HIVEP2: variants seen among roughly 807,000 people sequenced by gnomAD.
HIVEP2 encodes HIVEP zinc finger 2.
Under a neutral mutation model 180.7 loss-of-function variants are expected in HIVEP2, and 14 were observed. The observed-to-expected ratio is 0.08, with a 90% CI of 0.05 to 0.12. The LOEUF is 0.12. Ranked by LOEUF, HIVEP2 falls within the 10% of genes least tolerant of loss-of-function variation. The pLI is 1.00. For missense variants in HIVEP2, 2,579 were observed against 3,008.5 expected (o/e 0.86, Z 3.34); for synonymous variants, 1,184 against 1,136.4 (o/e 1.04, Z -0.84).
intron 3 of HIVEP2, among the ~76,000 whole-genome samples, chr6:142,779,081 T>C (rs1444207554): frequency 6.6e-6 from 1 of 152,202 alleles, no homozygotes; most frequent in Non-Finnish European, 1.5e-5. Flanking sequence ...CTGTTTTCTT[T>C]TGTTCTTTGA....
chr6:142,920,430 G>A (rs899186450), intron 1 of HIVEP2, among the ~76,000 whole-genome samples: 5 of 152,150 alleles, frequency 3.3e-5, no homozygotes, highest in African/African-American at 9.7e-5. Context: ...TCACAGGTAT[G>A]TATTAAAGAC....
intron 1 of HIVEP2, among the ~76,000 whole-genome samples, chr6:142,892,884 C>T (rs933757442): frequency 6.6e-6 from 1 of 152,152 alleles, no homozygotes; most frequent in African/African-American, 2.4e-5. Context: ...TAAATGCTCG[C>T]TACAACTCTC....
At chr6:142,870,913 C>G (rs1012473944) in intron 1 of HIVEP2, among the ~76,000 whole-genome samples, 4 of 152,156 alleles carry the variant, frequency 2.6e-5, no homozygotes, top group African/African-American at 7.2e-5. Flanking sequence ...AAGTGAGCCT[C>G]ACAGTGTGCT....
chr6:142,889,474 G>T lies in HIVEP2; in HGVS notation c.-640-52427C>A, dbSNP rs77534582. Among the ~76,000 whole-genome samples, 1,268 of 151,968 alleles carry T rather than the reference G, an allele frequency of 8.3e-3. 75 individuals are homozygous for T. The East Asian group carries it at 0.16, about 20-fold the overall frequency. ...CCCTGTCTCAAAATAAACAAACAAA[G>T]AAACAAATAAACAAAACTCCTGATG... On this transcript the variant is annotated intron_variant, in intron 1 of 9. Transcript: ENST00000367603.
chr6:142,887,584 G>A (rs1776734024), intron 1 of HIVEP2, among the ~76,000 whole-genome samples: 1 of 152,098 alleles, frequency 6.6e-6, no homozygotes, highest in Non-Finnish European at 1.5e-5. Flanking sequence ...ATCACCGATT[G>A]AATCCCATAA....
chr6:142,794,360 T>C (rs1473652050), intron 2 of HIVEP2, among the ~76,000 whole-genome samples: 1 of 152,202 alleles, frequency 6.6e-6, no homozygotes, highest in Admixed American at 6.5e-5. Flanking sequence ...TTGAATCTAT[T>C]TGTATATTTC....
intron 1 of HIVEP2, among the ~76,000 whole-genome samples, chr6:142,941,749 G>A (rs956960961): frequency 2.6e-5 from 4 of 152,128 alleles, no homozygotes; most frequent in East Asian, 1.9e-4. Flanking sequence ...TTTAAAAGTT[G>A]TAACAGTTAA....
At position 142,897,596 on chromosome 6, in the gene HIVEP2, C is replaced by T. The variant is rs146251756; in HGVS notation, c.-641+47503G>A. On this transcript the variant is annotated intron_variant, in intron 1 of 9. Coordinates refer to ENST00000367603, the MANE Select transcript of HIVEP2 (RefSeq NM_006734.4). Reference sequence around the variant, plus strand: ...GAGTGAAATAAGTCAGACACACACACATGACGCAGAGCATATGATTCCATA... The same window carrying T: ...GAGTGAAATAAGTCAGACACACACATATGACGCAGAGCATATGATTCCATA... Among the ~76,000 whole-genome samples the T allele has an allele frequency of 5.8e-4, 89 of 152,304 alleles. No homozygotes were observed. In the East Asian group the frequency reaches 6.6e-3, roughly 11 times the overall value.
In HIVEP2 at chr6:142,846,496, A is replaced by G. The variant is rs1582908849; in HGVS notation, c.-640-9449T>C. Among the ~76,000 whole-genome samples, 4 of 152,338 alleles carry G rather than the reference A, an allele frequency of 2.6e-5. No homozygotes were observed. In the South Asian group the frequency reaches 6.2e-4, roughly 24 times the overall value. The stretch of plus-strand genomic sequence containing the variant: ...ATTTAAATGCAAACATCATTGTTCC[A>G]TTGCTACTAGACTCCCAGATATTTC... On this transcript the variant is annotated intron_variant, in intron 1 of 9. Transcript: ENST00000367603.
chr6:142,811,209 C>CAG (rs796285523), intron 2 of HIVEP2, among the ~76,000 whole-genome samples: 13 of 135,368 alleles, frequency 9.6e-5, no homozygotes, highest in African/African-American at 2.0e-4. Flanking sequence ...GTGAGAGAGA[C>CAG]AGAGAGAGAG....
At chr6:142,812,825 T>A (rs1199496188) in intron 2 of HIVEP2, among the ~76,000 whole-genome samples, 13 of 152,154 alleles carry the variant, frequency 8.5e-5, no homozygotes, top group Non-Finnish European at 7.4e-5. Context: ...AAATTTGATA[T>A]ATATAATACA....
intron 1 of HIVEP2, among the ~76,000 whole-genome samples, chr6:142,843,116 A>G (rs988898223): frequency 2.0e-5 from 3 of 152,202 alleles, no homozygotes; most frequent in African/African-American, 4.8e-5. Context: ...TCACATGTAG[A>G]TGAGTCACCA....
intron 2 of HIVEP2, among the ~76,000 whole-genome samples, chr6:142,806,535 T>C (rs1776552426): frequency 1.3e-5 from 2 of 152,180 alleles, no homozygotes; most frequent in Admixed American, 6.5e-5. Context: ...AAATCCCTTT[T>C]TTTGGGAGGT....
At chr6:142,755,860 C>T (rs545015491) in intron 9 of HIVEP2, among the ~76,000 whole-genome samples, 1 of 152,200 alleles carries the variant, frequency 6.6e-6, no homozygotes. Flanking sequence ...CCAAGCCCCA[C>T]CAGGCATTTC....
rs1268878045 is a variant in HIVEP2 at position 142,764,699 on chromosome 6, A to T, written c.5518+100T>A. 4.6e-6 allele frequency: 4 copies of T among 871,028 alleles called. No homozygotes were observed. In the East Asian group the frequency reaches 1.1e-4, roughly 23 times the overall value. 54.0% of individuals were successfully genotyped at this position (871,028 alleles called of 1,614,324 possible). On this transcript the variant is annotated intron_variant, in intron 7 of 9. Coordinates refer to ENST00000367603, the MANE Select transcript of HIVEP2 (RefSeq NM_006734.4). The stretch of plus-strand genomic sequence containing the variant: ...CGTGGAATCATATTTTCACAAACAA[A>T]CTATCTTTATTGTTGATGAAGGTTA...
At chr6:142,822,710 T>C (rs1777071783) in intron 2 of HIVEP2, among the ~76,000 whole-genome samples, 1 of 152,184 alleles carries the variant, frequency 6.6e-6, no homozygotes, top group Admixed American at 6.5e-5. Context: ...TTGCATTGTG[T>C]CCCTGGCTCC....
intron 1 of HIVEP2, among the ~76,000 whole-genome samples, chr6:142,846,899 G>A (rs1029007339): frequency 1.3e-5 from 2 of 152,204 alleles, no homozygotes; most frequent in African/African-American, 2.4e-5. Flanking sequence ...AGGATGAGGT[G>A]CTGTGAAGGC....
chr6:142,760,209 T>C lies in HIVEP2; in HGVS notation c.6079A>G (p.Met2027Val), dbSNP rs1282470709. Residue 2027 changes from methionine (M) to valine (V), a missense_variant, in exon 9 of 10, where the codon ATG (methionine) becomes GTG (valine). This residue lies in a region of HIVEP2 where 660 missense variants were observed against 731.7 expected (regional missense o/e 0.90). Transcript: ENST00000367603. ...DIPSCMDEECMLPSEPSSSPR... is the reference protein window; with the variant it reads ...DIPSCMDEECVLPSEPSSSPR... ...GAGGAGCTTGGCTCTGAAGGTAGCA[T>C]GCACTCCTCATCCATACAACTAGGT... 1 of 1,614,016 alleles carries C rather than the reference T, an allele frequency of 6.2e-7. No homozygotes were observed. The highest frequency in any genetic ancestry group is 1.3e-5 in the African/African-American group (1 of 74,912).
In HIVEP2 at chr6:142,771,760, T is replaced by G; in HGVS notation, c.2979A>C (p.Ala993=). 1 of 1,614,190 alleles carries G rather than the reference T, an allele frequency of 6.2e-7. No homozygotes were observed. The highest frequency in any genetic ancestry group is 8.5e-7 in the Non-Finnish European group (1 of 1,180,042). The change falls in exon 5 of 10, where the codon GCA becomes GCC. Residue 993 remains alanine (A), a synonymous_variant. Coordinates refer to ENST00000367603, the MANE Select transcript of HIVEP2 (RefSeq NM_006734.4). This position sits in a 1 kb window ranked among gnomAD's most constrained non-coding sequence, Gnocchi z 5.4. ...TCCCAAACTCATCCTGCTTAGGAAG[T>G]GCAGAAAGCTTACTGGTTTCTTCTC... ...FEREETSKLS[A]LPKQDEFGKH...
Sources: gnomAD v4.1 joint callset for allele counts (sites outside exome capture counted in the v4.1 genomes callset) on GRCh38, gnomAD v4.1.1 for gene constraint, gnomAD v4.1.1 regional missense constraint, Gnocchi (gnomAD v3.1) non-coding constraint, MANE v1.5 for transcripts, NCBI Gene and HGNC (gene_info 2026-07-23, HGNC 2026-07-21) for gene names.